The following DCAF6 variants were observed in gnomAD, a reference collection of about 807,000 sequenced individuals.
The protein encoded by DCAF6 is DDB1- and CUL4-associated factor 6.
Under a neutral mutation model 125.1 loss-of-function variants are expected in DCAF6, and 54 were observed. That is an observed-to-expected ratio of 0.43 (90% confidence interval 0.35 to 0.54). DCAF6 has a LOEUF of 0.54. Ranked by LOEUF, DCAF6 falls within the 20% of genes least tolerant of loss-of-function variation. The probability of loss-of-function intolerance (pLI) is 0.01; values close to 1 mark genes in which losing one functional copy is unlikely to be tolerated. For missense variants in DCAF6, 934 were observed against 1,161.7 expected, an observed-to-expected ratio of 0.80 and a Z score of 2.85; for synonymous variants, 371 against 390.4, an observed-to-expected ratio of 0.95 and a Z score of 0.58.
chr1:168,065,495 A>T, intron 18 of DCAF6, 95 bp from the exon 19 acceptor site: 1 of 984,388 alleles, frequency 1.0e-6, no homozygotes, highest in Admixed American at 2.9e-5. Context: ...TAAAAAATGT[A>T]AGAATTAAAA....
intron 4 of DCAF6, among the ~76,000 whole-genome samples, chr1:167,983,108 C>G (rs190684043): frequency 7.6e-4 from 115 of 152,254 alleles, no homozygotes; most frequent in Admixed American, 1.9e-3. Flanking sequence ...ATACCTCTGG[C>G]TTTGTTCTTT....
intron 10 of DCAF6, among the ~76,000 whole-genome samples, chr1:168,015,209 TATTG>T (rs1481510272): frequency 8.5e-5 from 13 of 152,222 alleles, no homozygotes; most frequent in African/African-American, 2.4e-5. Context: ...GTTAAGAAAA[TATTG>T]ATTATGTAAA....
the DCAF6 span, among the ~76,000 whole-genome samples, chr1:167,922,654 T>C: frequency 1.2e-4 from 19 of 152,090 alleles, no homozygotes; most frequent in Non-Finnish European, 2.6e-4. Flanking sequence ...ATGACTTATA[T>C]TCTAATCTTG....
intron 4 of DCAF6, among the ~76,000 whole-genome samples, chr1:167,977,076 T>TG (rs1678351194): frequency 6.7e-6 from 1 of 150,172 alleles, no homozygotes; most frequent in Admixed American, 6.6e-5. Flanking sequence ...TAATTTTGTA[T>TG]TTTTTTTAGG....
Position 168,050,880 on chromosome 1 carries a change from T to C in DCAF6, c.2259-12T>C. 1 of 1,341,934 alleles carries C rather than the reference T, an allele frequency of 7.5e-7. No individual in the cohort carries two copies. Among genetic ancestry groups the C allele is most frequent in the Non-Finnish European group, 9.8e-7 (1 of 1,017,222 alleles). The allele number at this position is 1,341,934 out of a possible 1,614,324, so 83.1% of individuals were successfully genotyped here. On this transcript the variant is annotated splice_polypyrimidine_tract_variant and intron_variant, in intron 16 of 21. Coordinates refer to ENST00000367840, the MANE Select transcript of DCAF6 (RefSeq NM_001198956.2). Reference sequence around the variant, plus strand: ...TTGTAAGTGATTTCAGTTATTGTGTTCCCTTCACTAGATTTAATATCAGAG... The same window carrying C: ...TTGTAAGTGATTTCAGTTATTGTGTCCCCTTCACTAGATTTAATATCAGAG...
upstream of DCAF6, among the ~76,000 whole-genome samples, chr1:167,932,808 CAA>C (rs965449372): frequency 2.2e-4 from 12 of 54,928 alleles, no homozygotes; most frequent in Non-Finnish European, 3.4e-4. Flanking sequence ...GACTCTGTCT[CAA>C]AAAAAAAAAA....
chr1:167,985,881 C>T (rs1436686598), intron 4 of DCAF6, among the ~76,000 whole-genome samples: 1 of 152,126 alleles, frequency 6.6e-6, no homozygotes, highest in Non-Finnish European at 1.5e-5. Context: ...GTCCTTTGTA[C>T]CCCCTCAAAG....
At chr1:168,002,432 A>G in intron 7 of DCAF6, 50 bp from the exon 8 acceptor site, 1 of 1,469,846 alleles carries the variant, frequency 6.8e-7, no homozygotes, top group Non-Finnish European at 9.5e-7. Context: ...AAGAGTTGAG[A>G]GTAGATGAGT....
chr1:167,921,369 G>A, the DCAF6 span, among the ~76,000 whole-genome samples: 1 of 151,938 alleles, frequency 6.6e-6, no homozygotes, highest in Non-Finnish European at 1.5e-5. Flanking sequence ...TTACAGGCGT[G>A]TGCCAATATG....
chr1:167,915,404 A>G, the DCAF6 span, among the ~76,000 whole-genome samples: 1 of 152,156 alleles, frequency 6.6e-6, no homozygotes, highest in African/African-American at 2.4e-5. Context: ...TAAAATTAAA[A>G]CTTCCTTTAA....
chr1:167,978,806 CT>C (rs1375694638), intron 4 of DCAF6, among the ~76,000 whole-genome samples: 1 of 151,986 alleles, frequency 6.6e-6, no homozygotes, highest in Admixed American at 6.6e-5. Flanking sequence ...CAGGCATGCA[CT>C]ACTGCACCTG....
At chr1:167,869,110 G>T in the DCAF6 span, among the ~76,000 whole-genome samples, 1 of 152,192 alleles carries the variant, frequency 6.6e-6, no homozygotes, top group Non-Finnish European at 1.5e-5. Flanking sequence ...TGACAAAACT[G>T]GCACATATGC....
At chr1:167,969,313 A>G (rs1313306717) in intron 3 of DCAF6, 1 of 152,226 alleles carries the variant, frequency 6.6e-6, no homozygotes, top group Admixed American at 6.5e-5. Flanking sequence ...CAAGTAGTTT[A>G]AGAAACTGGA....
At chr1:168,023,094 T>C (rs766387161) in intron 12 of DCAF6, 47 bp downstream of exon 12, 3 of 1,554,610 alleles carry the variant, frequency 1.9e-6, no homozygotes, top group Admixed American at 3.3e-5. Context: ...CATAGCTTTA[T>C]TGCAATGCAT....
chr1:167,952,985 ACCTTGCTGAAGATCCG>A (rs1368343842), intron 2 of DCAF6, among the ~76,000 whole-genome samples: 7 of 152,060 alleles, frequency 4.6e-5, no homozygotes, highest in South Asian at 2.1e-4. Context: ...CTGAAGATCC[ACCTTGCTGAAGATCCG>A]CCTTGCTGAA....
intron 6 of DCAF6, among the ~76,000 whole-genome samples, chr1:167,992,932 G>A (rs1343284452): frequency 6.6e-6 from 1 of 152,162 alleles, no homozygotes; most frequent in Non-Finnish European, 1.5e-5. Flanking sequence ...GACTTCGTGT[G>A]ATTGTATTTA....
chr1:168,062,002 C>A (rs986777132), intron 17 of DCAF6, among the ~76,000 whole-genome samples: 1 of 151,878 alleles, frequency 6.6e-6, no homozygotes, highest in Admixed American at 6.6e-5. Context: ...TGTCGACAAC[C>A]CAATGTCCAC....
intron 11 of DCAF6, among the ~76,000 whole-genome samples, chr1:168,020,696 G>C (rs1685566056): frequency 6.6e-6 from 1 of 152,056 alleles, no homozygotes; most frequent in African/African-American, 2.4e-5. Context: ...GAGGCAGTCA[G>C]CTTAAACTAG....
At chr1:167,992,365 AG>A (rs1414692627) in intron 6 of DCAF6, among the ~76,000 whole-genome samples, 2 of 152,182 alleles carry the variant, frequency 1.3e-5, no homozygotes, top group East Asian at 3.8e-4. Context: ...CAACAATGTC[AG>A]TAAAGATGGA....
Sources: allele counts gnomAD v4.1 joint callset (sites outside exome capture counted in the v4.1 genomes callset), GRCh38; gene constraint gnomAD v4.1.1; transcripts MANE v1.5; gene names NCBI Gene and HGNC (gene_info 2026-07-23, HGNC 2026-07-21).